Variants in QRICH1 observed in about 807,000 individuals in gnomAD.
The protein encoded by QRICH1 is transcriptional regulator QRICH1.
In QRICH1, 16 loss-of-function variants were observed where a neutral mutation model predicts 87.1. That is an observed-to-expected ratio of 0.18 (90% CI 0.12 to 0.28). QRICH1 has a LOEUF of 0.28. Ranked by LOEUF, QRICH1 falls within the 10% of genes least tolerant of loss-of-function variation. The pLI, the probability that QRICH1 is intolerant of heterozygous loss-of-function variation, is 1.00. For synonymous variants in QRICH1, 367 were observed against 368.4 expected (o/e 1.00, Z 0.05); for missense variants, 647 against 951.7 (o/e 0.68, Z 4.21).
intron 2 of QRICH1, among the ~76,000 whole-genome samples, chr3:49,069,543 A>ATT (rs372639913): frequency 0.023 from 2,858 of 122,664 alleles, 76 homozygotes; most frequent in South Asian, 0.054. Context: ...ATGGGGGGGA[A>ATT]TTTTTTTTTT....
At chr3:49,049,988 T>C (rs1178824357) in intron 3 of QRICH1, among the ~76,000 whole-genome samples, 4 of 149,456 alleles carry the variant, frequency 2.7e-5, no homozygotes, top group Non-Finnish European at 5.9e-5. Flanking sequence ...TCACTTCAGG[T>C]CAGGAGTTGG....
At chr3:49,046,665 G>A in intron 4 of QRICH1, 86 bp from the exon 5 acceptor site, 1 of 1,436,876 alleles carries the variant, frequency 7.0e-7, no homozygotes, top group South Asian at 1.3e-5. Context: ...TCAGGGTGCT[G>A]GGATAGAAAT....
chr3:49,045,738 T>C (rs1575333792), intron 5 of QRICH1, among the ~76,000 whole-genome samples: 1 of 152,052 alleles, frequency 6.6e-6, no homozygotes, highest in East Asian at 1.9e-4. Flanking sequence ...TAGCTGGGAC[T>C]ACAGGCATGC....
At position 49,057,917 on chromosome 3, in the gene QRICH1, G is replaced by A. The variant is rs751357093; in HGVS notation, c.310-27C>T. On this transcript the variant is annotated intron_variant, in intron 2 of 9. Coordinates refer to ENST00000395443, the MANE Select transcript of QRICH1 (RefSeq NM_198880.3). The surrounding 1 kb of genome is among the most constrained non-coding windows in gnomAD (Gnocchi z 5.4). Reference sequence around the variant, plus strand: ...TGTAAGCAACAAGATTCATCAGTGAGTGAACCAGGCAGCACTGAAAATCCA... The same window carrying A: ...TGTAAGCAACAAGATTCATCAGTGAATGAACCAGGCAGCACTGAAAATCCA... 3 of 1,613,980 alleles carry A rather than the reference G, an allele frequency of 1.9e-6. No homozygotes were observed. In the Admixed American group the frequency reaches 5.0e-5, roughly 27 times the overall value.
intron 6 of QRICH1, among the ~76,000 whole-genome samples, chr3:49,040,225 G>C (rs1287424608): frequency 6.6e-6 from 1 of 152,228 alleles, no homozygotes; most frequent in Non-Finnish European, 1.5e-5. Flanking sequence ...ATTATGTAGA[G>C]TGATGTAGTC....
chr3:49,062,035 G>A (rs1467822859), intron 2 of QRICH1, among the ~76,000 whole-genome samples: 1 of 151,960 alleles, frequency 6.6e-6, no homozygotes, highest in Non-Finnish European at 1.5e-5. Context: ...CTGCTGGTGG[G>A]CATGTTAAAT....
intron 2 of QRICH1, among the ~76,000 whole-genome samples, chr3:49,066,712 A>G (rs2093470562): frequency 6.6e-6 from 1 of 152,114 alleles, no homozygotes; most frequent in Non-Finnish European, 1.5e-5. Flanking sequence ...TTTTAAAATG[A>G]GTTATTATCT....
At chr3:49,032,143 C>T in intron 9 of QRICH1, 40 bp downstream of exon 9, 2 of 1,466,492 alleles carry the variant, frequency 1.4e-6, no homozygotes, top group Non-Finnish European at 1.9e-6. Flanking sequence ...CATACACACA[C>T]ATGCGCACAC....
chr3:49,040,614 C>T (rs1031703742), intron 6 of QRICH1, among the ~76,000 whole-genome samples: 2 of 152,194 alleles, frequency 1.3e-5, no homozygotes, highest in Admixed American at 6.6e-5. Flanking sequence ...TTTGTCTAAC[C>T]AGTAAGTTTC....
At chr3:49,030,775 T>G in intron 9 of QRICH1, 131 bp from the exon 10 acceptor site, 1 of 781,026 alleles carries the variant, frequency 1.3e-6, no homozygotes, top group Middle Eastern at 2.9e-4. Context: ...CTGAATTCCA[T>G]GCAGCCACCA....
intron 9 of QRICH1, among the ~76,000 whole-genome samples, chr3:49,030,991 CTTTT>C (rs1162254467): frequency 5.3e-5 from 7 of 132,444 alleles, no homozygotes; most frequent in African/African-American, 1.4e-4. Flanking sequence ...AGTCTTTGCG[CTTTT>C]TTTTTTTTTT....
chr3:49,031,268 G>C (rs1021465778), intron 9 of QRICH1, among the ~76,000 whole-genome samples: 1 of 152,094 alleles, frequency 6.6e-6, no homozygotes, highest in Non-Finnish European at 1.5e-5. Context: ...GATTACAGGC[G>C]TGAGCCACGG....
intron 6 of QRICH1, among the ~76,000 whole-genome samples, chr3:49,038,132 G>A (rs1418930227): frequency 6.6e-6 from 1 of 151,610 alleles, no homozygotes; most frequent in Non-Finnish European, 1.5e-5. Flanking sequence ...CGCGATCTCG[G>A]CTCACTGCAA....
intron 2 of QRICH1, among the ~76,000 whole-genome samples, chr3:49,061,751 T>C (rs748616574): frequency 6.6e-6 from 1 of 151,132 alleles, no homozygotes; most frequent in South Asian, 2.1e-4. Context: ...ACTTGGGAGG[T>C]TGAGGCAGGT....
intron 1 of QRICH1, among the ~76,000 whole-genome samples, chr3:49,080,929 G>A (rs2042045894): frequency 8.6e-6 from 1 of 116,316 alleles, no homozygotes; most frequent in Non-Finnish European, 1.6e-5. Flanking sequence ...TCATGCCATT[G>A]CACTCCAGGC....
chr3:49,088,627 T>TG (rs1183350720), intron 1 of QRICH1, among the ~76,000 whole-genome samples: 1 of 148,644 alleles, frequency 6.7e-6, no homozygotes, highest in Non-Finnish European at 1.5e-5. Context: ...TGTTTTTTTT[T>TG]TTTTTTTTTT....
At chr3:49,070,086 G>A (rs1376804723) in intron 2 of QRICH1, among the ~76,000 whole-genome samples, 3 of 150,946 alleles carry the variant, frequency 2.0e-5, no homozygotes, top group Non-Finnish European at 2.9e-5. Context: ...TGCCCAGTCT[G>A]GAGTGCAATG....
At chr3:49,081,576 C>A (rs1441899125) in intron 1 of QRICH1, among the ~76,000 whole-genome samples, 1 of 152,204 alleles carries the variant, frequency 6.6e-6, no homozygotes, top group African/African-American at 2.4e-5. Context: ...TCTTGGTTCA[C>A]TGCAACCTCA....
At chr3:49,031,558 T>C (rs565887688) in intron 9 of QRICH1, among the ~76,000 whole-genome samples, 1 of 152,258 alleles carries the variant, frequency 6.6e-6, no homozygotes, top group Admixed American at 6.5e-5. Flanking sequence ...CAATTAAAGT[T>C]AAACAAATAC....
Sources: gnomAD v4.1 joint callset for allele counts (sites outside exome capture counted in the v4.1 genomes callset) on GRCh38, gnomAD v4.1.1 for gene constraint, Gnocchi (gnomAD v3.1) non-coding constraint, MANE v1.5 for transcripts, NCBI Gene and HGNC (gene_info 2026-07-23, HGNC 2026-07-21) for gene names.